The following VANGL1 variants were observed in gnomAD, a reference collection of about 807,000 sequenced individuals.
VANGL1 encodes the protein vang-like protein 1.
A neutral mutation model predicts 48.4 loss-of-function variants in VANGL1; 18 were observed. That is an observed-to-expected ratio of 0.37 (90% CI 0.26 to 0.55). VANGL1 has a LOEUF of 0.55. Among genes scored for constraint, VANGL1 ranks in the 20% least tolerant of loss-of-function variants. VANGL1 has a pLI of 0.81. For synonymous variants in VANGL1, 257 were observed against 261.8 expected (o/e 0.98, Z 0.18); for missense variants, 667 against 675.8 (o/e 0.99, Z 0.14).
intron 4 of VANGL1, among the ~76,000 whole-genome samples, chr1:115,680,416 A>C (rs1653342729): frequency 1.3e-5 from 2 of 152,302 alleles, no homozygotes; most frequent in Middle Eastern, 3.4e-3. Flanking sequence ...AGACACAGGC[A>C]CTCAAATATG....
intron 4 of VANGL1, among the ~76,000 whole-genome samples, chr1:115,668,557 C>G (rs1202082048): frequency 1.3e-5 from 2 of 152,218 alleles, no homozygotes; most frequent in Admixed American, 6.5e-5. Context: ...TGTTGTGTAA[C>G]AACTACCTCA....
At chr1:115,664,676 A>G (rs920907454) in intron 4 of VANGL1, among the ~76,000 whole-genome samples, 1 of 152,172 alleles carries the variant, frequency 6.6e-6, no homozygotes, top group African/African-American at 2.4e-5. Context: ...CAGTGGAATA[A>G]TGAATTGTTC....
chr1:115,686,493 TATCTA>T (rs1653637551), intron 7 of VANGL1, among the ~76,000 whole-genome samples: 1 of 152,138 alleles, frequency 6.6e-6, no homozygotes, highest in Non-Finnish European at 1.5e-5. Flanking sequence ...AACAGCCATG[TATCTA>T]ATAGAGAGTT....
intron 1 of VANGL1, among the ~76,000 whole-genome samples, chr1:115,650,469 A>G (rs955363553): frequency 2.0e-5 from 3 of 152,240 alleles, no homozygotes; most frequent in Non-Finnish European, 4.4e-5. Flanking sequence ...GGAGCCTGCA[A>G]ATAATAAATT....
At chr1:115,677,521 A>G (rs1557772416) in intron 4 of VANGL1, among the ~76,000 whole-genome samples, 1 of 152,238 alleles carries the variant, frequency 6.6e-6, no homozygotes. Flanking sequence ...GGACCAGCCT[A>G]GACTGAAGCC....
In VANGL1 at chr1:115,682,453, G is replaced by T. The variant is rs373814054; in HGVS notation, c.902G>T (p.Arg301Leu). Reference protein sequence around the residue: ...NPNLLTASKFRAAKHMAGLKV... With the variant: ...NPNLLTASKFLAAKHMAGLKV... Reference sequence around the variant, plus strand: ...AACCTCCTAACAGCCTCCAAATTCCGAGCAGCCAAGCATATGGCCGGGCTG... The same window carrying T: ...AACCTCCTAACAGCCTCCAAATTCCTAGCAGCCAAGCATATGGCCGGGCTG... Residue 301 changes from arginine to leucine, a missense_variant, in exon 5 of 8, where the codon CGA becomes CTA. By Grantham distance (102) the Arg-to-Leu change is moderately radical. Transcript: ENST00000355485. 4 of 1,613,934 alleles carry T rather than the reference G, an allele frequency of 2.5e-6. No individual in the cohort carries two copies. Among genetic ancestry groups the T allele is most frequent in the Non-Finnish European group, 3.4e-6 (4 of 1,180,028 alleles).
chr1:115,655,160 G>T (rs1280751689), intron 2 of VANGL1, among the ~76,000 whole-genome samples: 1 of 152,182 alleles, frequency 6.6e-6, no homozygotes, highest in Non-Finnish European at 1.5e-5. Context: ...CAGCCAGCCG[G>T]GCCCCAGCAG....
At chr1:115,674,606 A>G (rs1472929756) in intron 4 of VANGL1, among the ~76,000 whole-genome samples, 1 of 152,206 alleles carries the variant, frequency 6.6e-6, no homozygotes, top group Non-Finnish European at 1.5e-5. Flanking sequence ...ATGACGTGAC[A>G]TGTATTTGGG....
intron 4 of VANGL1, among the ~76,000 whole-genome samples, chr1:115,665,784 G>C (rs1652757250): frequency 6.6e-6 from 1 of 152,182 alleles, no homozygotes; most frequent in Non-Finnish European, 1.5e-5. Context: ...ATCTCAGAAG[G>C]CTTTCTTTTC....
intron 7 of VANGL1, among the ~76,000 whole-genome samples, chr1:115,690,774 TC>T (rs1653800632): frequency 6.6e-6 from 1 of 152,158 alleles, no homozygotes; most frequent in Non-Finnish European, 1.5e-5. Context: ...GAGAAACACA[TC>T]AAGTAGGACC....
rs771644956 is a variant in VANGL1 at position 115,651,439 on chromosome 1, G to T, written c.26G>T (p.Gly9Val). The change falls in exon 2 of 8, where the codon GGA (glycine) becomes GTA (valine). Residue 9 changes from glycine to valine, a missense_variant. By Grantham distance (109) the Gly-to-Val change is moderately radical. Transcript: ENST00000355485. ...ATGGATACCGAATCCACTTATTCTG[G>T]ATATTCTTACTATTCAAGTCATTCG... Reference protein sequence around the residue: MDTESTYSGYSYYSSHSKK... With the variant: MDTESTYSVYSYYSSHSKK... The T allele has an allele frequency of 1.2e-6, 2 of 1,614,034 alleles. No homozygotes were observed. The highest frequency in any genetic ancestry group is 1.7e-5 in the Admixed American group (1 of 60,024).
rs1400338493 is a variant in VANGL1 at position 115,696,763 on chromosome 1, A to G, written c.*5384A>G. 1 of 152,210 alleles carries G rather than the reference A, an allele frequency of 6.6e-6. No homozygotes were observed. Among genetic ancestry groups the G allele is most frequent in the Non-Finnish European group, 1.5e-5 (1 of 68,036 alleles). The allele number at this position is 152,210 out of a possible 1,614,324, so 9.4% of individuals were successfully genotyped here. On this transcript the variant is annotated 3_prime_UTR_variant, in exon 8 of 8. Coordinates refer to ENST00000355485, the MANE Select transcript of VANGL1 (RefSeq NM_138959.3). ...AACAAAAGAGCAGATTCCTAAAGCC[A>G]GGTGCAGCACTGTGAAAAGTTTCTT...
intron 2 of VANGL1, among the ~76,000 whole-genome samples, chr1:115,654,654 G>A (rs1652278944): frequency 6.6e-6 from 1 of 152,144 alleles, no homozygotes; most frequent in Admixed American, 6.5e-5. Flanking sequence ...GCTCTGCCAT[G>A]TCACCACAGG....
intron 1 of VANGL1, among the ~76,000 whole-genome samples, chr1:115,645,666 T>C (rs1651886451): frequency 6.6e-6 from 1 of 152,190 alleles, no homozygotes; most frequent in South Asian, 2.1e-4. Flanking sequence ...CACTTTCCCC[T>C]TGAGTGCCAT....
chr1:115,663,613 T>A, intron 3 of VANGL1, 48 bp from the exon 4 acceptor site: 6 of 1,613,662 alleles, frequency 3.7e-6, no homozygotes, highest in Non-Finnish European at 5.1e-6. Context: ...TTTGTAGCTT[T>A]TACAAATGAC....
intron 1 of VANGL1, among the ~76,000 whole-genome samples, chr1:115,649,502 T>C (rs1273890361): frequency 6.6e-6 from 1 of 152,196 alleles, no homozygotes; most frequent in African/African-American, 2.4e-5. Flanking sequence ...TTCCAAGCAT[T>C]TCTCTCATTA....
At chr1:115,687,703 C>CTGTGTG (rs1286240607) in intron 7 of VANGL1, among the ~76,000 whole-genome samples, 2 of 69,644 alleles carry the variant, frequency 2.9e-5, no homozygotes, top group Non-Finnish European at 5.5e-5. Flanking sequence ...CTCTCTCTTT[C>CTGTGTG]TCTGTGTGTG....
At chr1:115,680,273 G>A (rs1653336610) in intron 4 of VANGL1, among the ~76,000 whole-genome samples, 1 of 152,096 alleles carries the variant, frequency 6.6e-6, no homozygotes, top group Non-Finnish European at 1.5e-5. Context: ...GCTGCACCCT[G>A]TCCCAGGCAG....
intron 4 of VANGL1, among the ~76,000 whole-genome samples, chr1:115,669,312 A>G (rs1652893937): frequency 6.6e-6 from 1 of 152,202 alleles, no homozygotes; most frequent in Non-Finnish European, 1.5e-5. Context: ...TAATTCAGCC[A>G]GCAGGTTTTA....
Sources: allele counts gnomAD v4.1 joint callset (sites outside exome capture counted in the v4.1 genomes callset), GRCh38; gene constraint gnomAD v4.1.1; transcripts MANE v1.5; gene names NCBI Gene and HGNC (gene_info 2026-07-23, HGNC 2026-07-21).